TEAD1: variants seen among roughly 807,000 people sequenced by gnomAD.
TEAD1 encodes the protein transcriptional enhancer factor TEF-1.
Under a neutral mutation model 54.9 loss-of-function variants are expected in TEAD1, and 9 were observed. That is an observed-to-expected ratio of 0.16 (90% CI 0.10 to 0.29). The LOEUF (loss-of-function observed/expected upper bound fraction) is 0.29. TEAD1 is among the 10% of genes least tolerant of loss of function. The pLI, the probability that TEAD1 is intolerant of heterozygous loss-of-function variation, is 1.00. For missense variants in TEAD1, 387 were observed against 535.9 expected (o/e 0.72, Z 2.74); for synonymous variants, 200 against 187.8 (o/e 1.07, Z -0.53).
intron 2 of TEAD1, among the ~76,000 whole-genome samples, chr11:12,724,303 A>G (rs1209656109): frequency 1.3e-5 from 2 of 152,234 alleles, no homozygotes; most frequent in African/African-American, 4.8e-5. Context: ...GTCTATGTAC[A>G]TAAAGTAGAA....
At chr11:12,766,502 A>G (rs1185993005) in intron 3 of TEAD1, among the ~76,000 whole-genome samples, 1 of 152,172 alleles carries the variant, frequency 6.6e-6, no homozygotes, top group African/African-American at 2.4e-5. Flanking sequence ...TTCTGTGTAA[A>G]ATAAGATAGT....
chr11:12,865,696 ACTT>A (rs1947602494), intron 5 of TEAD1, among the ~76,000 whole-genome samples: 1 of 152,120 alleles, frequency 6.6e-6, no homozygotes, highest in African/African-American at 2.4e-5. Context: ...TTCATATACA[ACTT>A]CTTTCTGCTT....
intron 6 of TEAD1, 68 bp from the exon 7 acceptor site, chr11:12,880,937 C>G: frequency 6.4e-7 from 1 of 1,560,590 alleles, no homozygotes; most frequent in Non-Finnish European, 8.8e-7. Context: ...GGTTGTGATG[C>G]GTAGGCATCC....
intron 9 of TEAD1, among the ~76,000 whole-genome samples, chr11:12,886,257 A>G (rs1041475371): frequency 7.9e-5 from 12 of 152,376 alleles, no homozygotes; most frequent in Middle Eastern, 3.4e-3. Flanking sequence ...AGGTACGTTC[A>G]GGATACATAT....
chr11:12,773,517 C>T (rs551033686), intron 3 of TEAD1, among the ~76,000 whole-genome samples: 2 of 152,250 alleles, frequency 1.3e-5, no homozygotes, highest in South Asian at 2.1e-4. Context: ...TAAAGACTAA[C>T]GATGTTGAAC....
In TEAD1 at chr11:12,881,964, G is replaced by A. The variant is rs1389875546; in HGVS notation, c.574+7G>A. On this transcript the variant is annotated splice_region_variant and intron_variant, in intron 8 of 12. Transcript: ENST00000527636. ...GTCACAGCCCCCATTCCAGGTGAGT[G>A]TCCCTGAAACTCCTTTTTGGGAGCA... 6.2e-7 allele frequency: 1 copy of A among 1,614,074 alleles called. No individual in the cohort carries two copies. The highest frequency in any genetic ancestry group is 1.7e-5 in the Admixed American group (1 of 60,028).
intron 3 of TEAD1, among the ~76,000 whole-genome samples, chr11:12,781,477 A>G (rs554658643): frequency 6.6e-6 from 1 of 152,334 alleles, no homozygotes; most frequent in African/African-American, 2.4e-5. Context: ...ATTAATAAAA[A>G]GATAACTATC....
rs1948989064 is a variant in TEAD1, at chr11:12,930,166, C to T, written c.1015-8C>T. The T allele has an allele frequency of 1.9e-6, 3 of 1,613,306 alleles. No individual in the cohort carries two copies. Among genetic ancestry groups the T allele is most frequent in the African/African-American group, 1.3e-5 (1 of 74,800 alleles). On this transcript the variant is annotated splice_region_variant and splice_polypyrimidine_tract_variant and intron_variant, in intron 11 of 12. Coordinates refer to ENST00000527636, the MANE Select transcript of TEAD1 (RefSeq NM_021961.6). ...TGTAAAAATACTGAAATCCTTTTTT[C>T]CTCACAGACGGAGTATGCAAGGTTT...
rs143010205 is a variant in TEAD1, at chr11:12,902,430, C to G, written c.873+317C>G. On this transcript the variant is annotated intron_variant, in intron 10 of 12. Transcript: ENST00000527636. ...ACATGCTTCAAGATTTTGTAAGCAT[C>G]AGAGAGGAAACAGAATTGCTTTGCC... 2.5e-4 allele frequency among the ~76,000 whole-genome samples: 38 copies of G among 152,338 alleles called. No homozygotes were observed. In the East Asian group the frequency reaches 7.3e-3, roughly 29 times the overall value.
chr11:12,690,715 A>G (rs1357616246), intron 2 of TEAD1, among the ~76,000 whole-genome samples: 3 of 152,132 alleles, frequency 2.0e-5, no homozygotes, highest in Admixed American at 6.5e-5. Flanking sequence ...GCCTGTATCT[A>G]TTATTTCATG....
At chr11:12,716,869 A>G (rs1944074363) in intron 2 of TEAD1, among the ~76,000 whole-genome samples, 1 of 152,244 alleles carries the variant, frequency 6.6e-6, no homozygotes, top group Admixed American at 6.5e-5. Context: ...TCAGCAGAGA[A>G]CATTACAGAT....
chr11:12,847,720 C>A (rs1044003927), intron 3 of TEAD1, among the ~76,000 whole-genome samples: 10 of 152,120 alleles, frequency 6.6e-5, no homozygotes, highest in Admixed American at 4.6e-4. Context: ...ACGGGTCTTG[C>A]TCTGTTGGCC....
chr11:12,849,429 C>T (rs1464040966), intron 3 of TEAD1: 1 of 152,162 alleles, frequency 6.6e-6, no homozygotes. Flanking sequence ...ATTTCAATTT[C>T]TTCAGTTTGA....
rs368684897 is a variant in TEAD1 at position 12,866,192 on chromosome 11, A to T, written c.330+1292A>T. 1.3e-4 allele frequency among the ~76,000 whole-genome samples: 20 copies of T among 152,100 alleles called. No individual in the cohort carries two copies. The East Asian group carries it at 2.9e-3, about 22-fold the overall frequency. On this transcript the variant is annotated intron_variant, in intron 5 of 12. Transcript: ENST00000527636. ...CCTGCTTTTTAACCAAAGGTGCAAT[A>T]CTCTCTATATGGATGTAACTACCCC...
intron 3 of TEAD1, among the ~76,000 whole-genome samples, chr11:12,778,311 T>C (rs996552239): frequency 1.3e-5 from 2 of 152,162 alleles, no homozygotes; most frequent in African/African-American, 2.4e-5. Context: ...AAGAGAGTTT[T>C]GGTTCCAGGT....
At chr11:12,777,283 C>T (rs1945446697) in intron 3 of TEAD1, among the ~76,000 whole-genome samples, 1 of 152,150 alleles carries the variant, frequency 6.6e-6, no homozygotes, top group Non-Finnish European at 1.5e-5. Context: ...CAAAGTTTTA[C>T]AGCTTCTGGG....
intron 2 of TEAD1, among the ~76,000 whole-genome samples, chr11:12,703,485 T>G (rs1266197316): frequency 1.3e-5 from 2 of 152,210 alleles, no homozygotes; most frequent in Non-Finnish European, 2.9e-5. Context: ...CTATATTTTC[T>G]TAAAGCACCT....
intron 5 of TEAD1, among the ~76,000 whole-genome samples, chr11:12,877,596 T>C (rs1443232892): frequency 6.6e-6 from 1 of 151,878 alleles, no homozygotes; most frequent in African/African-American, 2.4e-5. Flanking sequence ...GAAGCGGAGG[T>C]TGCAATGAGC....
At position 12,827,054 on chromosome 11, in the gene TEAD1, A is replaced by T. The variant is rs929989572; in HGVS notation, c.203-35196A>T. Among the ~76,000 whole-genome samples the T allele has an allele frequency of 3.3e-5, 5 of 152,210 alleles. No individual in the cohort carries two copies. In the South Asian group the frequency reaches 1.0e-3, roughly 31 times the overall value. ...TACCTCTGGGTGCTGGAGAGATGCC[A>T]CTTATCAATTCTGTTGTTATTGTTT... On this transcript the variant is annotated intron_variant, in intron 3 of 12. Transcript: ENST00000527636.
Sources: gnomAD v4.1 joint callset for allele counts (sites outside exome capture counted in the v4.1 genomes callset) on GRCh38, gnomAD v4.1.1 for gene constraint, MANE v1.5 for transcripts, NCBI Gene and HGNC (gene_info 2026-07-23, HGNC 2026-07-21) for gene names.